The following ACCSL variants were observed in gnomAD, a reference collection of about 807,000 sequenced individuals.
The protein encoded by ACCSL is 1-aminocyclopropane-1-carboxylate synthase homolog (inactive) like.
Under a neutral mutation model 61.7 loss-of-function variants are expected in ACCSL, and 55 were observed. The observed-to-expected ratio is 0.89, with a 90% CI of 0.72 to 1.12. ACCSL has a LOEUF of 1.12. Among genes scored for constraint, ACCSL ranks in the 50% most tolerant of loss-of-function variants. The pLI is 0.00. For missense variants in ACCSL, 632 were observed against 698.0 expected (o/e 0.91, Z 1.07); for synonymous variants, 258 against 264.3 (o/e 0.98, Z 0.23).
At chr11:44,034,339 A>G in the ACCSL span, among the ~76,000 whole-genome samples, 1 of 152,160 alleles carries the variant, frequency 6.6e-6, no homozygotes, top group Non-Finnish European at 1.5e-5. Flanking sequence ...CCCCTGGCTG[A>G]GCATATTGCT....
the ACCSL span, among the ~76,000 whole-genome samples, chr11:43,993,820 G>A: frequency 2.6e-5 from 4 of 152,188 alleles, no homozygotes; most frequent in African/African-American, 7.2e-5. Context: ...GAACTCAGTC[G>A]GGGCATTTTG....
chr11:44,047,717 C>T (rs1187060594), upstream of ACCSL, among the ~76,000 whole-genome samples: 2 of 152,180 alleles, frequency 1.3e-5, no homozygotes, highest in Non-Finnish European at 2.9e-5. Context: ...GGTTGAAGAA[C>T]GGGGTGGAAA....
chr11:43,960,256 C>T, the ACCSL span, among the ~76,000 whole-genome samples: 5 of 152,168 alleles, frequency 3.3e-5, no homozygotes, highest in East Asian at 9.6e-4. Flanking sequence ...GAATGCCAAC[C>T]CCATAGAAAG....
chr11:43,956,506 G>T, the ACCSL span, among the ~76,000 whole-genome samples: 8 of 152,094 alleles, frequency 5.3e-5, no homozygotes, highest in African/African-American at 1.9e-4. Context: ...TGCAACCTCA[G>T]CCTCCTGGGT....
chr11:44,031,411 T>C, the ACCSL span, among the ~76,000 whole-genome samples: 6 of 152,172 alleles, frequency 3.9e-5, no homozygotes, highest in Non-Finnish European at 8.8e-5. Flanking sequence ...ATGGTATTGA[T>C]TTTTGAAGAT....
chr11:43,988,549 C>A, the ACCSL span, among the ~76,000 whole-genome samples: 3 of 151,184 alleles, frequency 2.0e-5, no homozygotes, highest in African/African-American at 7.3e-5. Context: ...AGCACACAGG[C>A]CGAATGTTAG....
Position 44,058,365 on chromosome 11 carries a change from A to G in ACCSL, c.1376A>G (p.Glu459Gly). ...CCCACCAATTGCTACCGGCTCCGGG[A>G]AGCTCACAAGTACATCACTGCTGAG... ...YLPTNCYRLR[E>G]AHKYITAELK... The change falls in exon 12 of 14, where the codon GAA becomes GGA. Residue 459 changes from glutamate (E) to glycine (G), a missense_variant. Glu to Gly is a moderately conservative substitution (Grantham distance 98). Transcript: ENST00000378832. The G allele has an allele frequency of 1.9e-6, 3 of 1,614,160 alleles. No individual in the cohort carries two copies. Among genetic ancestry groups the G allele is most frequent in the Non-Finnish European group, 2.5e-6 (3 of 1,180,024 alleles).
At chr11:43,928,954 C>G in the ACCSL span, among the ~76,000 whole-genome samples, 12 of 152,336 alleles carry the variant, frequency 7.9e-5, no homozygotes, top group African/African-American at 2.4e-4. Context: ...CAAGATGCTT[C>G]AGAGGAAAGA....
At chr11:43,942,970 C>G in the ACCSL span, 1 of 1,496,028 alleles carries the variant, frequency 6.7e-7, no homozygotes, top group Middle Eastern at 1.8e-4. Flanking sequence ...TGCCGCACTT[C>G]GTGTGCCTGG....
chr11:43,990,601 C>A, the ACCSL span, among the ~76,000 whole-genome samples: 3 of 152,156 alleles, frequency 2.0e-5, no homozygotes, highest in African/African-American at 7.2e-5. Context: ...TAGACCATAG[C>A]TCTGGCACAT....
At chr11:44,049,901 T>A (rs1036133326) in intron 1 of ACCSL, 161 bp from the exon 2 acceptor site, 17 of 851,736 alleles carry the variant, frequency 2.0e-5, no homozygotes, top group African/African-American at 6.7e-5. Context: ...CAAGCTGTAC[T>A]ATTTTGGGTT....
At chr11:43,956,053 A>G in the ACCSL span, among the ~76,000 whole-genome samples, 1 of 151,654 alleles carries the variant, frequency 6.6e-6, no homozygotes, top group African/African-American at 2.4e-5. Flanking sequence ...GAAGATTCAG[A>G]GACTCCTGTG....
At chr11:44,014,393 C>T in the ACCSL span, among the ~76,000 whole-genome samples, 19 of 152,058 alleles carry the variant, frequency 1.2e-4, no homozygotes, top group Non-Finnish European at 8.8e-5. Context: ...AGACCTCAGT[C>T]CCTGCCATGT....
chr11:44,023,192 C>CAGT, the ACCSL span, among the ~76,000 whole-genome samples: 59 of 152,052 alleles, frequency 3.9e-4, no homozygotes, highest in Non-Finnish European at 7.7e-4. Flanking sequence ...GCTGGGACTA[C>CAGT]AGGTGCACAC....
the ACCSL span, among the ~76,000 whole-genome samples, chr11:43,954,407 G>A: frequency 2.0e-5 from 3 of 152,026 alleles, no homozygotes; most frequent in Admixed American, 1.3e-4. Flanking sequence ...AAATGGGGGC[G>A]GGGTTATAGA....
At chr11:44,021,145 T>C in the ACCSL span, among the ~76,000 whole-genome samples, 2 of 152,166 alleles carry the variant, frequency 1.3e-5, no homozygotes, top group African/African-American at 4.8e-5. Context: ...AGTAGTGGGA[T>C]TGATGGATCA....
the ACCSL span, among the ~76,000 whole-genome samples, chr11:43,951,682 T>A: frequency 6.6e-6 from 1 of 152,220 alleles, no homozygotes; most frequent in East Asian, 1.9e-4. Context: ...GTATGTAATG[T>A]AGAAGCTGTA....
rs749322101 is a variant in ACCSL, at chr11:44,058,621, C to T, written c.1546C>T (p.Arg516Cys). The T allele has an allele frequency of 4.2e-5, 68 of 1,613,964 alleles. No individual in the cohort carries two copies. The highest frequency in any genetic ancestry group is 6.7e-5 in the Admixed American group (4 of 59,990). Residue 516 changes from arginine (R) to cysteine (C), a missense_variant, in exon 13 of 14, where the codon CGT becomes TGT. Transcript: ENST00000378832. The stretch of plus-strand genomic sequence containing the variant: ...CCTGGACAACAAGCTATTGTTATCC[C>T]GTGGCAAAACCTACATGTGTAAGGA... ...RFLDNKLLLS[R>C]GKTYMCKEPG...
chr11:44,056,343 C>G lies in ACCSL; in HGVS notation c.1327+17C>G, dbSNP rs530144623. On this transcript the variant is annotated intron_variant, in intron 11 of 13. Coordinates refer to ENST00000378832, the MANE Select transcript of ACCSL (RefSeq NM_001031854.2). ...AGAACACAGGTACTGAGCTCTAGCACAGACCAGCATGTTGGCTGGACCTCA... is the reference window on the plus strand; with the variant it reads ...AGAACACAGGTACTGAGCTCTAGCAGAGACCAGCATGTTGGCTGGACCTCA... 62 of 1,609,346 alleles carry G rather than the reference C, an allele frequency of 3.9e-5. No homozygotes were observed. In the East Asian group the frequency reaches 1.4e-3, roughly 35 times the overall value.
Sources: gnomAD v4.1 joint callset for allele counts (sites outside exome capture counted in the v4.1 genomes callset) on GRCh38, gnomAD v4.1.1 for gene constraint, MANE v1.5 for transcripts, NCBI Gene and HGNC (gene_info 2026-07-23, HGNC 2026-07-21) for gene names.